CEP70: variants seen among roughly 807,000 people sequenced by gnomAD.
CEP70 encodes centrosomal protein of 70 kDa.
CEP70 carries 70 observed loss-of-function variants against 90.9 expected under a neutral mutation model. The observed-to-expected ratio is 0.77, with a 90% confidence interval of 0.64 to 0.94. CEP70 has a LOEUF of 0.94. CEP70 is among the 40% of genes least tolerant of loss of function. CEP70 has a pLI of 0.00. For missense variants in CEP70, 648 were observed against 669.0 expected (o/e 0.97, Z 0.35); for synonymous variants, 220 against 228.3 (o/e 0.96, Z 0.33).
At chr3:138,533,946 A>G (rs376175403) in intron 7 of CEP70, among the ~76,000 whole-genome samples, 2 of 151,812 alleles carry the variant, frequency 1.3e-5, no homozygotes, top group African/African-American at 2.4e-5. Flanking sequence ...CACCACGCCC[A>G]GCTAATTTTT....
chr3:138,580,964 C>T (rs1404978448), intron 2 of CEP70, among the ~76,000 whole-genome samples: 1 of 151,806 alleles, frequency 6.6e-6, no homozygotes, highest in African/African-American at 2.4e-5. Flanking sequence ...TTTGAAAATA[C>T]ACGGTCAGAG....
chr3:138,551,298 A>G (rs934314827), intron 6 of CEP70, among the ~76,000 whole-genome samples: 7 of 152,254 alleles, frequency 4.6e-5, no homozygotes, highest in African/African-American at 1.7e-4. Flanking sequence ...AGTCTTTTTC[A>G]GACAAACAAA....
intron 11 of CEP70, among the ~76,000 whole-genome samples, chr3:138,512,902 G>T (rs1162256117): frequency 6.6e-6 from 1 of 152,154 alleles, no homozygotes; most frequent in Non-Finnish European, 1.5e-5. Flanking sequence ...ACACATAGGT[G>T]CATCAATGTG....
intron 11 of CEP70, among the ~76,000 whole-genome samples, chr3:138,511,603 A>G (rs934360620): frequency 2.0e-5 from 3 of 152,240 alleles, no homozygotes; most frequent in Non-Finnish European, 4.4e-5. Context: ...AATTGCATGT[A>G]CTGATCAGTT....
chr3:138,578,244 C>T (rs998025571), intron 2 of CEP70, among the ~76,000 whole-genome samples: 2 of 152,076 alleles, frequency 1.3e-5, no homozygotes, highest in Non-Finnish European at 2.9e-5. Flanking sequence ...GTTATTCTCA[C>T]GAACACTAAA....
chr3:138,504,130 C>A (rs1021348399), intron 13 of CEP70, among the ~76,000 whole-genome samples: 5 of 152,034 alleles, frequency 3.3e-5, no homozygotes, highest in African/African-American at 7.2e-5. Context: ...CTGGGAGAAC[C>A]CTCTGACAGG....
rs7652083 is a variant in CEP70 at position 138,517,402 on chromosome 3, A to G, written c.944+8088T>C. On this transcript the variant is annotated intron_variant, in intron 11 of 17. Coordinates refer to ENST00000264982, the MANE Select transcript of CEP70 (RefSeq NM_024491.4). ...AAATAAAATAAGGCCAAGCGCGGTG[A>G]CTCATGCCTGTAATCCCAGCACTTT... Among the ~76,000 whole-genome samples the G allele has an allele frequency of 4.7e-3, 721 of 152,152 alleles. 3 individuals are homozygous for G. Among genetic ancestry groups the G allele is most frequent in the African/African-American group, 0.017 (694 of 41,516 alleles).
intron 11 of CEP70, among the ~76,000 whole-genome samples, chr3:138,521,404 GC>G (rs1427947846): frequency 6.7e-6 from 1 of 148,464 alleles, no homozygotes; most frequent in East Asian, 2.1e-4. Flanking sequence ...GATGTGAGGA[GC>G]CCCTCTGCCC....
intron 6 of CEP70, among the ~76,000 whole-genome samples, chr3:138,543,333 C>T (rs2038914464): frequency 6.6e-6 from 1 of 152,206 alleles, no homozygotes; most frequent in African/African-American, 2.4e-5. Flanking sequence ...TTGGGGGAAC[C>T]AAGGCAGTAG....
intron 13 of CEP70, among the ~76,000 whole-genome samples, chr3:138,502,825 C>G (rs1377617632): frequency 6.6e-6 from 1 of 152,118 alleles, no homozygotes; most frequent in Non-Finnish European, 1.5e-5. Context: ...GAAGTACTAC[C>G]ATGAGCCAGC....
intron 1 of CEP70, chr3:138,592,987 T>G (rs2042459580): frequency 6.6e-6 from 1 of 152,130 alleles, no homozygotes; most frequent in Non-Finnish European, 1.5e-5. Flanking sequence ...TTACCCCAAA[T>G]AGGAAAGAGT....
chr3:138,573,380 T>TAAA lies in CEP70; in HGVS notation c.-5-451_-5-449dup, dbSNP rs561753739. ...CCAACATATTGCAACTGGGATACAG[T>TAAA]AAAAAAAAAAAAGAAAAAAGAAAAA... On this transcript the variant is annotated intron_variant, in intron 2 of 17. Coordinates refer to ENST00000264982, the MANE Select transcript of CEP70 (RefSeq NM_024491.4). Among the ~76,000 whole-genome samples the TAAA allele has an allele frequency of 5.5e-3, 656 of 118,730 alleles. 5 individuals carry two copies. Among genetic ancestry groups the TAAA allele is most frequent in the African/African-American group, 0.02 (631 of 32,124 alleles). 77.9% of individuals were successfully genotyped at this position (118,730 alleles called of 152,430 possible). A position where few individuals can be genotyped will look rare whatever the true frequency, so the allele number is the denominator to read the frequency against.
At chr3:138,557,739 A>G (rs1447045319) in intron 6 of CEP70, among the ~76,000 whole-genome samples, 1 of 152,174 alleles carries the variant, frequency 6.6e-6, no homozygotes, top group East Asian at 1.9e-4. Flanking sequence ...AAATCTCACA[A>G]ATCACCACTA....
intron 6 of CEP70, among the ~76,000 whole-genome samples, chr3:138,559,869 T>A (rs1043679945): frequency 1.3e-5 from 2 of 152,188 alleles, no homozygotes; most frequent in Admixed American, 6.5e-5. Flanking sequence ...AATGGAATAT[T>A]TTCAAATGCT....
chr3:138,543,212 A>G (rs2038903255), intron 6 of CEP70, among the ~76,000 whole-genome samples: 1 of 152,064 alleles, frequency 6.6e-6, no homozygotes, highest in Non-Finnish European at 1.5e-5. Flanking sequence ...ACCACCATCA[A>G]CATGCCATCT....
intron 8 of CEP70, among the ~76,000 whole-genome samples, chr3:138,532,168 A>G (rs1198190398): frequency 6.6e-6 from 1 of 152,202 alleles, no homozygotes; most frequent in Non-Finnish European, 1.5e-5. Flanking sequence ...TTTGATAGGC[A>G]GCCAATCTAA....
intron 6 of CEP70, among the ~76,000 whole-genome samples, chr3:138,541,508 CCAGGACAAGCAAA>C (rs1051395342): frequency 1.3e-5 from 2 of 151,538 alleles, no homozygotes; most frequent in African/African-American, 4.8e-5. Context: ...AAAGCCTTTA[CCAGGACAAGCAAA>C]CACTTGAAAG....
chr3:138,580,268 G>A (rs539857512), intron 2 of CEP70, among the ~76,000 whole-genome samples: 3 of 152,134 alleles, frequency 2.0e-5, no homozygotes, highest in East Asian at 1.9e-4. Flanking sequence ...CAGTAGGGCC[G>A]GCCACAGGGA....
rs994931666 is a variant in CEP70, at chr3:138,558,059, T to C, written c.465+12259A>G. Among the ~76,000 whole-genome samples, 5 of 152,100 alleles carry C rather than the reference T, an allele frequency of 3.3e-5. No homozygotes were observed. The East Asian group carries it at 9.6e-4, about 29-fold the overall frequency. ...CAAGGAAATGAAAATTACAGGACCA[T>C]GATTCTGGAGAAAAAAGAAAACTGG... On this transcript the variant is annotated intron_variant, in intron 6 of 17. Coordinates refer to ENST00000264982, the MANE Select transcript of CEP70 (RefSeq NM_024491.4).
Sources: gnomAD v4.1 joint callset for allele counts (sites outside exome capture counted in the v4.1 genomes callset) on GRCh38, gnomAD v4.1.1 for gene constraint, MANE v1.5 for transcripts, NCBI Gene and HGNC (gene_info 2026-07-23, HGNC 2026-07-21) for gene names.